The following DZIP3 variants were observed in gnomAD, a reference collection of about 807,000 sequenced individuals.
DZIP3 encodes the protein DAZ interacting zinc finger protein 3.
A neutral mutation model predicts 162.0 loss-of-function variants in DZIP3; 118 were observed. The ratio of observed to expected loss-of-function variants is 0.73; its 90% CI spans 0.63 to 0.85. The LOEUF (loss-of-function observed/expected upper bound fraction) is 0.85, where lower values mean the gene tolerates loss of function less well. Among genes scored for constraint, DZIP3 ranks in the 40% least tolerant of loss-of-function variants. DZIP3 has a pLI of 0.00. For synonymous variants in DZIP3, 438 were observed against 458.6 expected, an observed-to-expected ratio of 0.96 and a Z score of 0.57; for missense variants, 1,331 against 1,407.0, an observed-to-expected ratio of 0.95 and a Z score of 0.86.
rs1438715244 is a variant in DZIP3 at position 108,642,486 on chromosome 3, G to A, written c.1113G>A (p.Pro371=). 4 of 1,480,686 alleles carry A rather than the reference G, an allele frequency of 2.7e-6. No homozygotes were observed. The highest frequency in any genetic ancestry group is 1.4e-5 in the African/African-American group (1 of 71,116). The allele number at this position is 1,480,686 out of a possible 1,614,324, so 91.7% of individuals were successfully genotyped here. A position where few individuals can be genotyped will look rare whatever the true frequency, so the allele number is the denominator to read the frequency against. ...AAATAACTGATACTGATATAAGACCGAAGATCAGTTTAAAATTTAATACAA... is the reference window on the plus strand; with the variant it reads ...AAATAACTGATACTGATATAAGACCAAAGATCAGTTTAAAATTTAATACAA... ...SLKITDTDIR[P]KISLKFNTKD... Residue 371 remains proline (P), a synonymous_variant, in exon 13 of 33, where the codon CCG becomes CCA. Coordinates refer to ENST00000361582, the MANE Select transcript of DZIP3 (RefSeq NM_014648.4).
chr3:108,635,673 T>C (rs1193749610), intron 10 of DZIP3, among the ~76,000 whole-genome samples: 1 of 147,640 alleles, frequency 6.8e-6, no homozygotes, highest in Non-Finnish European at 1.5e-5. Context: ...TATTATATAA[T>C]ATATAACATA....
At chr3:108,615,349 A>G (rs1940948641) in intron 4 of DZIP3, among the ~76,000 whole-genome samples, 1 of 152,228 alleles carries the variant, frequency 6.6e-6, no homozygotes, top group Non-Finnish European at 1.5e-5. Context: ...TTGTATTTCT[A>G]TTCAAATTCA....
chr3:108,590,337 T>G (rs1939318535), intron 1 of DZIP3, among the ~76,000 whole-genome samples: 1 of 152,260 alleles, frequency 6.6e-6, no homozygotes, highest in South Asian at 2.1e-4. Flanking sequence ...CATTTCCATT[T>G]AATTAAATCG....
intron 5 of DZIP3, among the ~76,000 whole-genome samples, chr3:108,624,080 G>A (rs1259221759): frequency 6.6e-6 from 1 of 152,132 alleles, no homozygotes; most frequent in Non-Finnish European, 1.5e-5. Flanking sequence ...ACCAGGTAAT[G>A]TGATCACTCA....
chr3:108,598,040 A>T (rs1177741076), intron 1 of DZIP3, among the ~76,000 whole-genome samples: 1 of 152,188 alleles, frequency 6.6e-6, no homozygotes, highest in African/African-American at 2.4e-5. Flanking sequence ...TCTTAGCAAA[A>T]ACTAGTGTGA....
intron 4 of DZIP3, among the ~76,000 whole-genome samples, chr3:108,612,328 T>C (rs1410339640): frequency 6.6e-6 from 1 of 152,178 alleles, no homozygotes; most frequent in Non-Finnish European, 1.5e-5. Flanking sequence ...AAACTGAAGA[T>C]ATTCATAAGA....
At chr3:108,627,608 A>G (rs562128119) in intron 7 of DZIP3, among the ~76,000 whole-genome samples, 1 of 152,306 alleles carries the variant, frequency 6.6e-6, no homozygotes, top group Admixed American at 6.5e-5. Flanking sequence ...GCACCATATT[A>G]GGACTGGATT....
rs1940692922 is a variant in DZIP3, at chr3:108,611,279, C to A, written c.208C>A (p.Pro70Thr). ...TAATACTCTACCAAAAGGTGTGGTT[C>A]CTCACATTAAGAAGTTCTTACAAGA... is the stretch of plus-strand genomic sequence containing the variant. ...AINTLPKGVV[P>T]HIKKFLQEDF... The change falls in exon 4 of 33, where the codon CCT becomes ACT. Residue 70 changes from proline to threonine, a missense_variant. This residue lies in a region of DZIP3 where 1,278 missense variants were observed against 1,317.1 expected (regional missense o/e 0.97). Coordinates refer to ENST00000361582, the MANE Select transcript of DZIP3 (RefSeq NM_014648.4). 6.2e-7 allele frequency: 1 copy of A among 1,612,138 alleles called. No individual in the cohort carries two copies. Among genetic ancestry groups the A allele is most frequent in the Admixed American group, 1.7e-5 (1 of 59,592 alleles).
intron 5 of DZIP3, among the ~76,000 whole-genome samples, chr3:108,617,582 C>T (rs1006014269): frequency 1.3e-5 from 2 of 151,996 alleles, no homozygotes; most frequent in African/African-American, 2.4e-5. Flanking sequence ...TACCCAGACA[C>T]CAAAAAAGGG....
In DZIP3 at chr3:108,663,884, A is replaced by C. The variant is rs892041680; in HGVS notation, c.2423+1627A>C. ...GAAAACTTATGGAAGGCACATGTAG[A>C]AGATACCAAGATGTGTGAGACATTC... On this transcript the variant is annotated intron_variant, in intron 21 of 32. Transcript: ENST00000361582. Among the ~76,000 whole-genome samples, 6 of 152,348 alleles carry C rather than the reference A, an allele frequency of 3.9e-5. No individual in the cohort carries two copies. In the South Asian group the frequency reaches 1.0e-3, roughly 26 times the overall value.
chr3:108,691,031 A>G, intron 32 of DZIP3, 128 bp downstream of exon 32: 1 of 717,298 alleles, frequency 1.4e-6, no homozygotes, highest in East Asian at 2.8e-5. Flanking sequence ...AGCAGCAGCC[A>G]AAGAAGTCAG....
chr3:108,664,405 G>T (rs1576442698), intron 21 of DZIP3, among the ~76,000 whole-genome samples: 1 of 152,196 alleles, frequency 6.6e-6, no homozygotes, highest in South Asian at 2.1e-4. Flanking sequence ...TCCTGCTGGG[G>T]TAGTGTTGGC....
At chr3:108,690,953 CT>C in intron 32 of DZIP3, 50 bp downstream of exon 32, 1 of 1,501,214 alleles carries the variant, frequency 6.7e-7, no homozygotes, top group African/African-American at 1.4e-5. Context: ...TTATGAGCTG[CT>C]TGTTTGAGTG....
At chr3:108,666,009 G>C (rs1467189513) in intron 21 of DZIP3, among the ~76,000 whole-genome samples, 2 of 152,188 alleles carry the variant, frequency 1.3e-5, no homozygotes, top group East Asian at 3.9e-4. Flanking sequence ...AGAAGCTTGA[G>C]ACTTCAGAAA....
chr3:108,649,724 G>A (rs560239616), intron 17 of DZIP3, among the ~76,000 whole-genome samples: 13 of 151,680 alleles, frequency 8.6e-5, no homozygotes, highest in Non-Finnish European at 1.6e-4. Context: ...TAAACAAATT[G>A]TAATCATTAA....
intron 21 of DZIP3, 59 bp downstream of exon 21, chr3:108,662,316 T>C: frequency 2.0e-6 from 3 of 1,524,388 alleles, no homozygotes; most frequent in Non-Finnish European, 2.6e-6. Flanking sequence ...GTATCTTTAA[T>C]AGTTAATCTC....
chr3:108,683,738 G>C (rs899106703), intron 26 of DZIP3, among the ~76,000 whole-genome samples: 2 of 152,084 alleles, frequency 1.3e-5, no homozygotes, highest in East Asian at 3.8e-4. Context: ...ATTTCATCAA[G>C]TATTACCTCC....
At chr3:108,622,740 T>A (rs1941410978) in intron 5 of DZIP3, among the ~76,000 whole-genome samples, 1 of 151,990 alleles carries the variant, frequency 6.6e-6, no homozygotes, top group Non-Finnish European at 1.5e-5. Flanking sequence ...TTCATAGAGG[T>A]ACCATCTTGG....
At chr3:108,654,883 A>T (rs1228116900) in intron 19 of DZIP3, among the ~76,000 whole-genome samples, 1 of 152,176 alleles carries the variant, frequency 6.6e-6, no homozygotes, top group East Asian at 1.9e-4. Context: ...TTACCTACTA[A>T]TGAGAATTCA....
Sources: allele counts gnomAD v4.1 joint callset (sites outside exome capture counted in the v4.1 genomes callset), GRCh38; gene constraint gnomAD v4.1.1; regional missense constraint gnomAD v4.1.1; transcripts MANE v1.5; gene names NCBI Gene and HGNC (gene_info 2026-07-23, HGNC 2026-07-21).